Variants in C2CD5 observed in about 807,000 individuals in gnomAD.
C2CD5 encodes C2 calcium dependent domain containing 5.
In C2CD5, 109 loss-of-function variants were observed where a neutral mutation model predicts 130.3. The ratio of observed to expected loss-of-function variants is 0.84; its 90% CI spans 0.72 to 0.98. The LOEUF is 0.98. C2CD5 is among the 50% of genes least tolerant of loss of function. The pLI, the probability that C2CD5 is intolerant of heterozygous loss-of-function variation, is 0.00. For missense variants in C2CD5, 996 were observed against 1,261.8 expected (o/e 0.79, Z 3.19); for synonymous variants, 454 against 429.2 (o/e 1.06, Z -0.71).
intron 3 of C2CD5, among the ~76,000 whole-genome samples, chr12:22,529,180 G>A (rs2137118353): frequency 6.6e-6 from 1 of 152,260 alleles, no homozygotes. Flanking sequence ...CTTTGTGCAT[G>A]CTTGAAATTT....
chr12:22,512,908 C>T, intron 9 of C2CD5, among the ~76,000 whole-genome samples: 1 of 151,732 alleles, frequency 6.6e-6, no homozygotes, highest in East Asian at 1.9e-4. Context: ...GTAATCTCAG[C>T]AAATAAATAT....
intron 26 of C2CD5, among the ~76,000 whole-genome samples, 187 bp downstream of exon 26, chr12:22,453,709 C>T (rs556372273): frequency 1.3e-5 from 2 of 152,194 alleles, no homozygotes; most frequent in East Asian, 1.9e-4. Flanking sequence ...CCTGAGATGT[C>T]GAAATAGCAT....
intron 12 of C2CD5, among the ~76,000 whole-genome samples, chr12:22,489,238 C>A (rs1032622890): frequency 3.3e-5 from 5 of 151,662 alleles, no homozygotes; most frequent in Admixed American, 2.6e-4. Flanking sequence ...AGTAAATAGG[C>A]ACACTGTGGC....
chr12:22,480,918 T>A (rs1247598254), intron 14 of C2CD5, among the ~76,000 whole-genome samples: 1 of 151,808 alleles, frequency 6.6e-6, no homozygotes, highest in East Asian at 1.9e-4. Flanking sequence ...GATTCTCCCA[T>A]CTCAGCCTCC....
In C2CD5 at chr12:22,456,959, C is replaced by A; in HGVS notation, c.2877+12G>T. On this transcript the variant is annotated intron_variant, in intron 25 of 26. Coordinates refer to ENST00000446597, the MANE Select transcript of C2CD5 (RefSeq NM_001286176.2). The stretch of plus-strand genomic sequence containing the variant: ...AATTTTTTAAAAAATGAAATAACTT[C>A]TATAAAATTACCTCCCGAAGAGAAG... 6.7e-7 allele frequency: 1 copy of A among 1,496,062 alleles called. No individual in the cohort carries two copies. Among genetic ancestry groups the A allele is most frequent in the Non-Finnish European group, 9.0e-7 (1 of 1,106,256 alleles). The allele number at this position is 1,496,062 out of a possible 1,614,324, so 92.7% of individuals were successfully genotyped here.
intron 5 of C2CD5, among the ~76,000 whole-genome samples, chr12:22,524,854 G>C (rs1950590528): frequency 6.6e-6 from 1 of 152,070 alleles, no homozygotes; most frequent in Admixed American, 6.6e-5. Flanking sequence ...TGTAAGCAAA[G>C]TAAATATAAA....
In C2CD5 at chr12:22,482,564, C is replaced by T. The variant is rs1244174853; in HGVS notation, c.1730G>A (p.Gly577Asp). Residue 577 changes from glycine (G) to aspartate (D), a missense_variant, in exon 14 of 27, where the codon GGC (glycine) becomes GAC (aspartate). By Grantham distance (94) the Gly-to-Asp change is moderately conservative. Transcript: ENST00000446597. ...QITVGENMLM[G>D]LASATGVYLA... The stretch of plus-strand genomic sequence containing the variant: ...AAAAACATCTAAACTTACCGCTAAG[C>T]CCATCAACATATTTTCACCCACTGT... 2.5e-6 allele frequency: 4 copies of T among 1,613,076 alleles called. No homozygotes were observed. The highest frequency in any genetic ancestry group is 2.2e-5 in the East Asian group (1 of 44,794).
intron 15 of C2CD5, among the ~76,000 whole-genome samples, chr12:22,475,215 T>C (rs934342694): frequency 3.3e-5 from 5 of 152,146 alleles, no homozygotes; most frequent in African/African-American, 9.6e-5. Context: ...TGTGTGCATA[T>C]TTTCTATTCA....
chr12:22,464,955 TTAAAC>T lies in C2CD5; in HGVS notation c.2533+4749_2533+4753del, dbSNP rs531460083. ...TTAGCAAGACATTAAATTCAAACAG[TTAAAC>T]TATTTTAAAATCAAATCTGTGAATG... On this transcript the variant is annotated intron_variant, in intron 22 of 26. Coordinates refer to ENST00000446597, the MANE Select transcript of C2CD5 (RefSeq NM_001286176.2). 3.7e-3 allele frequency among the ~76,000 whole-genome samples: 569 copies of T among 152,180 alleles called. 4 individuals are homozygous for T. Among genetic ancestry groups the T allele is most frequent in the African/African-American group, 0.013 (546 of 41,532 alleles).
intron 10 of C2CD5, among the ~76,000 whole-genome samples, chr12:22,504,792 C>T (rs1479599057): frequency 6.6e-6 from 1 of 152,122 alleles, no homozygotes; most frequent in African/African-American, 2.4e-5. Context: ...TATTTCCTTG[C>T]ATTTTCCAAA....
At chr12:22,506,971 A>C (rs1948623780) in intron 9 of C2CD5, 152 bp from the exon 10 acceptor site, 1 of 560,972 alleles carries the variant, frequency 1.8e-6, no homozygotes, top group African/African-American at 1.9e-5. Context: ...TTAAAAGTTT[A>C]ATTAAATGTT....
At chr12:22,471,058 T>C (rs1942942917) in intron 20 of C2CD5, 147 bp from the exon 21 acceptor site, 2 of 615,802 alleles carry the variant, frequency 3.2e-6, no homozygotes, top group African/African-American at 1.9e-5. Context: ...TAAATTCAAA[T>C]CATACACAAA....
intron 9 of C2CD5, 102 bp downstream of exon 9, chr12:22,513,192 A>G (rs1048103243): frequency 2.5e-6 from 2 of 814,400 alleles, no homozygotes; most frequent in African/African-American, 3.4e-5. Flanking sequence ...TATTATAGAT[A>G]TGTAACCAAA....
intron 21 of C2CD5, among the ~76,000 whole-genome samples, chr12:22,470,062 A>G (rs1383130585): frequency 6.6e-6 from 1 of 152,122 alleles, no homozygotes; most frequent in Non-Finnish European, 1.5e-5. Context: ...TGCAAATAAT[A>G]AATGCTAGAC....
intron 13 of C2CD5, among the ~76,000 whole-genome samples, chr12:22,483,786 G>A (rs1945067477): frequency 6.6e-6 from 1 of 152,270 alleles, no homozygotes; most frequent in Admixed American, 6.5e-5. Context: ...TTGGCATGAA[G>A]AACTGGATAG....
At chr12:22,485,349 G>T (rs1037609663) in intron 12 of C2CD5, among the ~76,000 whole-genome samples, 7 of 151,822 alleles carry the variant, frequency 4.6e-5, no homozygotes. Context: ...GATGGCTAAT[G>T]GGTACAAAAA....
intron 3 of C2CD5, among the ~76,000 whole-genome samples, chr12:22,531,709 T>C (rs114830550): frequency 0.021 from 3,201 of 152,278 alleles, 118 homozygotes; most frequent in African/African-American, 0.07. Flanking sequence ...CTGAGTCCTT[T>C]TGACAGAAGA....
At chr12:22,451,409 C>T (rs945606238) in intron 26 of C2CD5, among the ~76,000 whole-genome samples, 1 of 152,014 alleles carries the variant, frequency 6.6e-6, no homozygotes, top group Non-Finnish European at 1.5e-5. Context: ...TGTCTGTGTG[C>T]AATTCTCTAC....
chr12:22,525,760 AAAT>A (rs1950662578), intron 4 of C2CD5, 55 bp from the exon 5 acceptor site: 1 of 839,230 alleles, frequency 1.2e-6, no homozygotes, highest in Admixed American at 2.1e-5. Context: ...ATGTACAATT[AAAT>A]AATGAAGCAA....
Sources: gnomAD v4.1 joint callset for allele counts (sites outside exome capture counted in the v4.1 genomes callset) on GRCh38, gnomAD v4.1.1 for gene constraint, MANE v1.5 for transcripts, NCBI Gene and HGNC (gene_info 2026-07-23, HGNC 2026-07-21) for gene names.